The following DYM variants were observed in gnomAD, a reference collection of about 807,000 sequenced individuals.
DYM encodes the protein dymeclin.
DYM carries 78 observed loss-of-function variants against 93.1 expected under a neutral mutation model. The ratio of observed to expected loss-of-function variants is 0.84; its 90% CI spans 0.70 to 1.01. The LOEUF is 1.01. Ranked by LOEUF, DYM falls within the 50% of genes least tolerant of loss-of-function variation. DYM has a pLI of 0.00. For synonymous variants in DYM, 321 were observed against 319.7 expected, an observed-to-expected ratio of 1.00 and a Z score of -0.04; for missense variants, 789 against 845.0, an observed-to-expected ratio of 0.93 and a Z score of 0.82.
chr18:49,179,989 C>T (rs1043066671), intron 14 of DYM, among the ~76,000 whole-genome samples: 3 of 152,122 alleles, frequency 2.0e-5, no homozygotes, highest in Non-Finnish European at 4.4e-5. Flanking sequence ...ATGACCTAGA[C>T]TATAAATGTT....
chr18:49,451,556 T>G (rs1003450671), intron 1 of DYM, among the ~76,000 whole-genome samples: 1 of 152,212 alleles, frequency 6.6e-6, no homozygotes, highest in Non-Finnish European at 1.5e-5. Context: ...TCACAGGTAT[T>G]TGAAGATACA....
At chr18:49,241,007 A>G (rs1210726980) in intron 13 of DYM, among the ~76,000 whole-genome samples, 2 of 152,202 alleles carry the variant, frequency 1.3e-5, no homozygotes, top group Admixed American at 1.3e-4. Flanking sequence ...GCACCACTTG[A>G]TTTATGCTAA....
intron 2 of DYM, among the ~76,000 whole-genome samples, chr18:49,394,482 C>G (rs1289804562): frequency 6.6e-6 from 1 of 151,962 alleles, no homozygotes; most frequent in African/African-American, 2.4e-5. Context: ...CAGATTTGCT[C>G]TTTTTGCTCA....
At chr18:49,108,452 G>T (rs143105193) in intron 16 of DYM, among the ~76,000 whole-genome samples, 1 of 152,182 alleles carries the variant, frequency 6.6e-6, no homozygotes, top group Non-Finnish European at 1.5e-5. Context: ...AGATGAACCC[G>T]GTATCTCAGT....
In DYM at chr18:49,293,199, C is replaced by G. The variant is rs567692314; in HGVS notation, c.764-6583G>C. Among the ~76,000 whole-genome samples, 6 of 152,282 alleles carry G rather than the reference C, an allele frequency of 3.9e-5. No homozygotes were observed. In the South Asian group the frequency reaches 1.2e-3, roughly 32 times the overall value. ...CATAGTATTCCATGGTATATATGTG[C>G]CACAATTTGTTTATCCAGTCTATCA... is the stretch of plus-strand genomic sequence containing the variant. On this transcript the variant is annotated intron_variant, in intron 8 of 17. Coordinates refer to ENST00000675505, the MANE Select transcript of DYM (RefSeq NM_001353214.3).
chr18:49,433,044 CAT>C (rs1226868606), intron 1 of DYM, among the ~76,000 whole-genome samples: 1 of 152,186 alleles, frequency 6.6e-6, no homozygotes, highest in Non-Finnish European at 1.5e-5. Flanking sequence ...ACTCCTTCCA[CAT>C]GAGGGAACAA....
chr18:49,217,887 C>A (rs1047502443), intron 13 of DYM, among the ~76,000 whole-genome samples: 12 of 152,166 alleles, frequency 7.9e-5, no homozygotes, highest in African/African-American at 2.9e-4. Flanking sequence ...ACCACAGGAT[C>A]AAATTCACAC....
chr18:49,102,450 T>C (rs909658751), intron 16 of DYM, among the ~76,000 whole-genome samples: 1 of 152,202 alleles, frequency 6.6e-6, no homozygotes, highest in Admixed American at 6.5e-5. Context: ...AGTTTTAGGG[T>C]ACACGTGCAC....
At chr18:49,425,303 C>G (rs2074162843) in intron 2 of DYM, among the ~76,000 whole-genome samples, 1 of 152,178 alleles carries the variant, frequency 6.6e-6, no homozygotes, top group Admixed American at 6.5e-5. Context: ...AAAGGATTCC[C>G]TATTTAATAA....
intron 13 of DYM, among the ~76,000 whole-genome samples, chr18:49,249,051 T>C (rs1473803966): frequency 1.3e-5 from 2 of 152,194 alleles, no homozygotes; most frequent in African/African-American, 4.8e-5. Context: ...GAGAACTGTC[T>C]GTTCCAGATC....
chr18:49,046,632 G>C (rs1408099055), intron 17 of DYM, among the ~76,000 whole-genome samples: 3 of 152,176 alleles, frequency 2.0e-5, no homozygotes, highest in Non-Finnish European at 4.4e-5. Flanking sequence ...AGGTATAGTA[G>C]CTCACGCCTG....
intron 15 of DYM, among the ~76,000 whole-genome samples, chr18:49,149,021 G>C (rs1239025402): frequency 6.6e-6 from 1 of 152,150 alleles, no homozygotes; most frequent in East Asian, 1.9e-4. Flanking sequence ...CCCTGAGCTT[G>C]TTATTCTGCA....
At chr18:49,420,790 G>A (rs2073595017) in intron 2 of DYM, among the ~76,000 whole-genome samples, 1 of 152,072 alleles carries the variant, frequency 6.6e-6, no homozygotes, top group Non-Finnish European at 1.5e-5. Flanking sequence ...GACAGCACCT[G>A]GAAAATCAGG....
chr18:49,174,947 C>T lies in DYM; in HGVS notation c.1626-11160G>A, dbSNP rs570624289. ...ATTAATACACCATAACAGAAAAAAACATCAAAGCCGACGAAGACAGAACAA... is the reference window on the plus strand; with the variant it reads ...ATTAATACACCATAACAGAAAAAAATATCAAAGCCGACGAAGACAGAACAA... On this transcript the variant is annotated intron_variant, in intron 14 of 17. Transcript: ENST00000675505. Among the ~76,000 whole-genome samples, 112 of 152,232 alleles carry T rather than the reference C, an allele frequency of 7.4e-4. 2 individuals carry two copies. Among genetic ancestry groups the T allele is most frequent in the African/African-American group, 2.7e-3 (111 of 41,564 alleles).
Position 49,043,099 on chromosome 18 carries a change from A to C in DYM, c.*956T>G, listed in dbSNP as rs1053200039. The C allele has an allele frequency of 1.3e-5, 2 of 152,058 alleles. No homozygotes were observed. The highest frequency in any genetic ancestry group is 6.5e-5 in the Admixed American group (1 of 15,268). The allele number at this position is 152,058 out of a possible 1,614,324, so 9.4% of individuals were successfully genotyped here. ...TCACAGAAAAGTTAATCTGGGCTTC[A>C]TGAGAAGTAGCCATTTTCTTTTTCT... On this transcript the variant is annotated 3_prime_UTR_variant, in exon 18 of 18. Coordinates refer to ENST00000675505, the MANE Select transcript of DYM (RefSeq NM_001353214.3).
At chr18:49,244,023 A>G (rs2094104849) in intron 13 of DYM, among the ~76,000 whole-genome samples, 1 of 152,086 alleles carries the variant, frequency 6.6e-6, no homozygotes, top group Admixed American at 6.5e-5. Context: ...TAAAAAAGTC[A>G]TTAACAGGAG....
chr18:49,063,987 C>G (rs930329690), intron 17 of DYM, among the ~76,000 whole-genome samples: 1 of 152,002 alleles, frequency 6.6e-6, no homozygotes, highest in African/African-American at 2.4e-5. Context: ...GGAAGAAGCA[C>G]TTTAGACATT....
At chr18:49,379,386 G>A (rs2067822371) in intron 4 of DYM, among the ~76,000 whole-genome samples, 1 of 151,966 alleles carries the variant, frequency 6.6e-6, no homozygotes, top group Non-Finnish European at 1.5e-5. Context: ...ATGGGGGGGA[G>A]GGGAATTACC....
chr18:49,062,140 C>A (rs1401525586), intron 17 of DYM, among the ~76,000 whole-genome samples: 1 of 152,192 alleles, frequency 6.6e-6, no homozygotes, highest in East Asian at 1.9e-4. Context: ...AATTATAATT[C>A]TCCTGCCTTT....
Sources: gnomAD v4.1 joint callset for allele counts (sites outside exome capture counted in the v4.1 genomes callset) on GRCh38, gnomAD v4.1.1 for gene constraint, MANE v1.5 for transcripts, NCBI Gene and HGNC (gene_info 2026-07-23, HGNC 2026-07-21) for gene names.